Variants in CACNG4 observed in about 807,000 individuals in gnomAD.
CACNG4 encodes calcium voltage-gated channel auxiliary subunit gamma 4, also known as voltage-dependent calcium channel gamma-4 subunit.
A neutral mutation model predicts 22.9 loss-of-function variants in CACNG4; 8 were observed. The observed-to-expected ratio is 0.35, with a 90% confidence interval of 0.21 to 0.63. The LOEUF (loss-of-function observed/expected upper bound fraction) is 0.63. Among genes scored for constraint, CACNG4 ranks in the 30% least tolerant of loss-of-function variants. The pLI, the probability that CACNG4 is intolerant of heterozygous loss-of-function variation, is 0.72. For missense variants in CACNG4, 357 were observed against 455.4 expected, an observed-to-expected ratio of 0.78 and a Z score of 1.97; for synonymous variants, 188 against 191.9, an observed-to-expected ratio of 0.98 and a Z score of 0.17.
intron 1 of CACNG4, among the ~76,000 whole-genome samples, chr17:66,975,812 A>T (rs2035232439): frequency 6.6e-6 from 1 of 152,200 alleles, no homozygotes; most frequent in Admixed American, 6.5e-5. Context: ...TCAGAGACTG[A>T]GGCTCTCAGC....
intron 1 of CACNG4, among the ~76,000 whole-genome samples, chr17:66,975,352 C>T (rs748529182): frequency 1.1e-4 from 16 of 152,158 alleles, no homozygotes; most frequent in Non-Finnish European, 2.1e-4. Context: ...CAGCATCAGA[C>T]GGTCAGCATT....
In CACNG4 at chr17:67,030,155, GTGT is replaced by G. The variant is rs200334263; in HGVS notation, c.446-310_446-308del. On this transcript the variant is annotated intron_variant, in intron 3 of 3. Transcript: ENST00000262138. The surrounding 1 kb of genome is among the most constrained non-coding windows in gnomAD (Gnocchi z 6.4). ...ACTGTGCAAAGGAAATAATAGGGGT[GTGT>G]GTGTGTGTGTGTGTGAAGAGAGAAA... Among the ~76,000 whole-genome samples, 60,778 of 109,120 alleles carry G rather than the reference GTGT, an allele frequency of 0.56. 13,793 individuals carry two copies. Among genetic ancestry groups the G allele is most frequent in the East Asian group, 0.81 (3,993 of 4,904 alleles). The allele number at this position is 109,120 out of a possible 152,430, so 71.6% of individuals were successfully genotyped here.
At chr17:66,976,983 A>G (rs1340709671) in intron 1 of CACNG4, among the ~76,000 whole-genome samples, 1 of 152,198 alleles carries the variant, frequency 6.6e-6, no homozygotes, top group African/African-American at 2.4e-5. Flanking sequence ...TGTGCCTAGC[A>G]GAGACAGAAG....
intron 1 of CACNG4, among the ~76,000 whole-genome samples, chr17:66,995,635 A>G (rs1207951257): frequency 2.0e-5 from 3 of 152,172 alleles, no homozygotes; most frequent in Non-Finnish European, 1.5e-5. Flanking sequence ...GCAGATCATG[A>G]GGTCAGGAGT....
intron 3 of CACNG4, among the ~76,000 whole-genome samples, chr17:67,025,536 A>T (rs527664642): frequency 6.6e-6 from 1 of 152,352 alleles, no homozygotes; most frequent in South Asian, 2.1e-4. Context: ...GTGCCCTGGG[A>T]AGAGTGAGCG....
At chr17:66,977,205 A>G (rs1020001851) in intron 1 of CACNG4, among the ~76,000 whole-genome samples, 35 of 152,166 alleles carry the variant, frequency 2.3e-4, no homozygotes, top group African/African-American at 8.2e-4. Flanking sequence ...GCTTGTAAAA[A>G]TATCAACCAG....
At chr17:66,971,315 T>C (rs1367163144) in intron 1 of CACNG4, among the ~76,000 whole-genome samples, 1 of 151,316 alleles carries the variant, frequency 6.6e-6, no homozygotes, top group African/African-American at 2.4e-5. Flanking sequence ...AGAAGAGCCT[T>C]GTGGAGCTTA....
chr17:66,976,903 C>T (rs966051138), intron 1 of CACNG4, among the ~76,000 whole-genome samples: 8 of 152,124 alleles, frequency 5.3e-5, no homozygotes, highest in Admixed American at 1.3e-4. Flanking sequence ...TGGACAGCAC[C>T]GCCCCCTCCG....
intron 1 of CACNG4, among the ~76,000 whole-genome samples, chr17:66,982,002 T>C (rs745856531): frequency 6.6e-6 from 1 of 152,152 alleles, no homozygotes; most frequent in South Asian, 2.1e-4. Flanking sequence ...GGTGGGATCA[T>C]AGTGTGTCCA....
intron 1 of CACNG4, among the ~76,000 whole-genome samples, chr17:66,979,743 T>TG (rs1361456601): frequency 1.4e-5 from 2 of 139,288 alleles, no homozygotes; most frequent in African/African-American, 5.5e-5. Flanking sequence ...GTTCTTTTCA[T>TG]GCTTTTTTTT....
intron 1 of CACNG4, among the ~76,000 whole-genome samples, chr17:66,976,889 C>T (rs956674503): frequency 2.0e-5 from 3 of 152,262 alleles, no homozygotes; most frequent in East Asian, 3.9e-4. Context: ...AGTGTGGTCT[C>T]GCTTGGACAG....
chr17:67,024,547 G>A (rs182405792), intron 2 of CACNG4, among the ~76,000 whole-genome samples: 356 of 152,368 alleles, frequency 2.3e-3, no homozygotes, highest in Middle Eastern at 0.017. Context: ...ACAAAAATGT[G>A]ATGCGGTTTG....
At chr17:67,023,768 G>A (rs1047924816) in intron 2 of CACNG4, among the ~76,000 whole-genome samples, 1 of 150,750 alleles carries the variant, frequency 6.6e-6, no homozygotes, top group Admixed American at 6.6e-5. Flanking sequence ...GTAGATACGG[G>A]GTTTCACCAT....
chr17:67,011,945 C>G (rs977879788), intron 1 of CACNG4, among the ~76,000 whole-genome samples: 3 of 152,276 alleles, frequency 2.0e-5, no homozygotes, highest in Admixed American at 1.3e-4. Flanking sequence ...CCCAATACCC[C>G]GCTCTTCATC....
chr17:67,019,347 C>T (rs912726769), intron 2 of CACNG4, among the ~76,000 whole-genome samples: 3 of 152,126 alleles, frequency 2.0e-5, no homozygotes, highest in Non-Finnish European at 4.4e-5. Context: ...TCCCATCCTT[C>T]CTCCCTCACC....
chr17:67,003,946 A>G (rs1287141169), intron 1 of CACNG4, among the ~76,000 whole-genome samples: 2 of 152,234 alleles, frequency 1.3e-5, no homozygotes, highest in African/African-American at 4.8e-5. Flanking sequence ...GGTCCCTTCT[A>G]GAAGTTTATG....
chr17:66,965,163 CA>C lies in CACNG4; in HGVS notation c.220+33del, dbSNP rs756407575. On this transcript the variant is annotated intron_variant, in intron 1 of 3. Transcript: ENST00000262138. ...CCAGCCCCGACCCCTCGCCGCCCCA[CA>C]CACACACACACACACACACACATAT... 1.1e-3 allele frequency: 1,126 copies of C among 1,019,694 alleles called. 3 individuals carry two copies. The African/African-American group carries it at 0.018, about 16-fold the overall frequency. The allele number at this position is 1,019,694 out of a possible 1,614,324, so 63.2% of individuals were successfully genotyped here.
chr17:66,993,546 C>G (rs565142512), intron 1 of CACNG4, among the ~76,000 whole-genome samples: 1 of 152,354 alleles, frequency 6.6e-6, no homozygotes, highest in East Asian at 1.9e-4. Context: ...CACGCCTGTT[C>G]TTGCACACAC....
intron 1 of CACNG4, among the ~76,000 whole-genome samples, chr17:66,994,486 G>T (rs570444326): frequency 2.0e-5 from 3 of 152,174 alleles, no homozygotes; most frequent in Admixed American, 2.0e-4. Flanking sequence ...AGGAAGGTGC[G>T]GCACAGAGGG....
Sources: allele counts gnomAD v4.1 joint callset (sites outside exome capture counted in the v4.1 genomes callset), GRCh38; gene constraint gnomAD v4.1.1; non-coding constraint Gnocchi (gnomAD v3.1); transcripts MANE v1.5; gene names NCBI Gene and HGNC (gene_info 2026-07-23, HGNC 2026-07-21).